Variants in ABTB3 observed in about 807,000 individuals in gnomAD.
The protein encoded by ABTB3 is ankyrin repeat- and BTB/POZ domain-containing protein 3.
the ABTB3 span, among the ~76,000 whole-genome samples, chr12:107,599,694 C>G: frequency 6.6e-6 from 1 of 152,156 alleles, no homozygotes; most frequent in Non-Finnish European, 1.5e-5. Flanking sequence ...AGGCTGGGGC[C>G]CCTCTCTGAC....
the ABTB3 span, among the ~76,000 whole-genome samples, chr12:107,353,474 T>TA: frequency 6.6e-6 from 1 of 152,182 alleles, no homozygotes; most frequent in African/African-American, 2.4e-5. Flanking sequence ...AAACATTTCC[T>TA]AGCTGTGAGC....
the ABTB3 span, among the ~76,000 whole-genome samples, chr12:107,505,688 C>A: frequency 6.6e-6 from 1 of 152,030 alleles, no homozygotes; most frequent in Non-Finnish European, 1.5e-5. Flanking sequence ...TTCCTCCCAC[C>A]GTCCACTCTC....
chr12:107,478,037 G>GA, the ABTB3 span, among the ~76,000 whole-genome samples: 8 of 152,170 alleles, frequency 5.3e-5, no homozygotes, highest in Non-Finnish European at 1.0e-4. Flanking sequence ...AACCTCCCTA[G>GA]AAAAATCCTT....
the ABTB3 span, among the ~76,000 whole-genome samples, chr12:107,400,739 AC>A: frequency 1.1e-3 from 170 of 151,156 alleles, no homozygotes; most frequent in African/African-American, 3.9e-3. Flanking sequence ...AGAGACTTAC[AC>A]CCCCCCGCAA....
the ABTB3 span, among the ~76,000 whole-genome samples, chr12:107,502,896 C>T: frequency 5.9e-5 from 9 of 152,300 alleles, no homozygotes; most frequent in Middle Eastern, 3.4e-3. Flanking sequence ...TCCACAAAAC[C>T]GGTCCCTGTT....
At chr12:107,401,152 A>C in the ABTB3 span, among the ~76,000 whole-genome samples, 1 of 152,164 alleles carries the variant, frequency 6.6e-6, no homozygotes, top group Non-Finnish European at 1.5e-5. Flanking sequence ...ATGTTTCCCA[A>C]TGGGTTCCTT....
chr12:107,505,721 T>C, the ABTB3 span, among the ~76,000 whole-genome samples: 1 of 152,178 alleles, frequency 6.6e-6, no homozygotes. Context: ...ATGTGTTTTG[T>C]TCCCCTCTAT....
the ABTB3 span, among the ~76,000 whole-genome samples, chr12:107,356,776 T>C: frequency 3.3e-5 from 5 of 152,216 alleles, no homozygotes; most frequent in African/African-American, 1.2e-4. Context: ...AACAGTCAAG[T>C]CCACAGAGCT....
At chr12:107,370,757 ATTTTTTTTTTTTT>A in the ABTB3 span, among the ~76,000 whole-genome samples, 2,197 of 87,512 alleles carry the variant, frequency 0.025, 53 homozygotes, top group African/African-American at 0.074. Context: ...CAAAAAAGGG[ATTTTTTTTTTTTT>A]TTTTTTTTTT....
chr12:107,318,636 A>G, the ABTB3 span: 1 of 341,818 alleles, frequency 2.9e-6, no homozygotes, highest in Non-Finnish European at 5.4e-6. Context: ...AGCGGTCTAG[A>G]CACTTTTTAT....
the ABTB3 span, chr12:107,657,527 C>T: frequency 6.2e-7 from 1 of 1,614,180 alleles, no homozygotes; most frequent in Non-Finnish European, 8.5e-7. Flanking sequence ...AGTCACAGAG[C>T]TCTCAGCATA....
the ABTB3 span, among the ~76,000 whole-genome samples, chr12:107,589,648 T>A: frequency 6.6e-6 from 1 of 152,232 alleles, no homozygotes; most frequent in Non-Finnish European, 1.5e-5. Context: ...TGGCTGGGCC[T>A]TGTCCCAAGT....
the ABTB3 span, among the ~76,000 whole-genome samples, chr12:107,407,238 A>C: frequency 6.6e-6 from 1 of 152,206 alleles, no homozygotes; most frequent in African/African-American, 2.4e-5. Flanking sequence ...ATGCATGTAA[A>C]ATACCTGGCA....
the ABTB3 span, among the ~76,000 whole-genome samples, chr12:107,482,950 T>A: frequency 2.4e-5 from 1 of 41,328 alleles, no homozygotes; most frequent in South Asian, 1.0e-3. Context: ...CTTTCTTTCT[T>A]TCTTTCTTTC....
chr12:107,556,135 G>T, the ABTB3 span, among the ~76,000 whole-genome samples: 1 of 143,466 alleles, frequency 7.0e-6, no homozygotes, highest in Admixed American at 7.2e-5. Context: ...CGCTCTTGTT[G>T]CCAGGCTGGA....
the ABTB3 span, chr12:107,520,540 A>G: frequency 3.1e-4 from 496 of 1,614,212 alleles, 6 homozygotes; most frequent in South Asian, 5.2e-3. Flanking sequence ...ACAGCGGTCA[A>G]ACAAGCCAGG....
chr12:107,653,389 C>T, the ABTB3 span, among the ~76,000 whole-genome samples: 10 of 151,850 alleles, frequency 6.6e-5, no homozygotes, highest in Non-Finnish European at 1.2e-4. Flanking sequence ...TGGTGGCGGG[C>T]GCCTGTAGTC....
the ABTB3 span, among the ~76,000 whole-genome samples, chr12:107,429,124 A>G: frequency 6.6e-6 from 1 of 152,160 alleles, no homozygotes; most frequent in Non-Finnish European, 1.5e-5. Flanking sequence ...CTCTGGCTTA[A>G]CGCACAGAAA....
At chr12:107,440,755 G>A in the ABTB3 span, among the ~76,000 whole-genome samples, 1 of 152,182 alleles carries the variant, frequency 6.6e-6, no homozygotes, top group Non-Finnish European at 1.5e-5. Context: ...TGGAAGGGAG[G>A]CAGGGAAATG....
Sources: gnomAD v4.1 joint callset for allele counts (sites outside exome capture counted in the v4.1 genomes callset) on GRCh38, gnomAD v4.1.1 for gene constraint, MANE v1.5 for transcripts, NCBI Gene and HGNC (gene_info 2026-07-23, HGNC 2026-07-21) for gene names.